Variants in DTL observed in about 807,000 individuals in gnomAD.
The protein encoded by DTL is denticleless protein homolog.
In DTL, 46 loss-of-function variants were observed where a neutral mutation model predicts 87.0. The observed-to-expected ratio is 0.53, with a 90% CI of 0.42 to 0.68. DTL has a LOEUF of 0.68. DTL is among the 30% of genes least tolerant of loss of function. DTL has a pLI of 0.00. For missense variants in DTL, 737 were observed against 869.4 expected, an observed-to-expected ratio of 0.85 and a Z score of 1.91; for synonymous variants, 308 against 311.2, an observed-to-expected ratio of 0.99 and a Z score of 0.11.
chr1:212,053,543 T>C (rs993583808), intron 5 of DTL, among the ~76,000 whole-genome samples: 1 of 152,162 alleles, frequency 6.6e-6, no homozygotes, highest in South Asian at 2.1e-4. Context: ...ATCATCTTTT[T>C]ATTGATTACA....
At chr1:212,037,729 G>C (rs1054859737) in intron 1 of DTL, among the ~76,000 whole-genome samples, 1 of 152,150 alleles carries the variant, frequency 6.6e-6, no homozygotes, top group Non-Finnish European at 1.5e-5. Context: ...TCCAAGTTTT[G>C]GTGTATCAGC....
intron 13 of DTL, among the ~76,000 whole-genome samples, chr1:212,088,819 G>A (rs963818208): frequency 6.6e-6 from 1 of 152,238 alleles, no homozygotes; most frequent in East Asian, 1.9e-4. Context: ...GGGCACGGTG[G>A]CTCACGCCTG....
intron 13 of DTL, among the ~76,000 whole-genome samples, chr1:212,087,326 A>G (rs1655158370): frequency 6.6e-6 from 1 of 152,098 alleles, no homozygotes; most frequent in South Asian, 2.1e-4. Flanking sequence ...GAGTGGGTGG[A>G]TCACGAGGTC....
At chr1:212,080,839 T>C in intron 13 of DTL, 89 bp downstream of exon 13, 2 of 1,401,940 alleles carry the variant, frequency 1.4e-6, no homozygotes, top group Non-Finnish European at 1.9e-6. Context: ...TGATCTTGCT[T>C]TGGTATGTTT....
At chr1:212,063,095 A>G (rs907178129) in intron 6 of DTL, 146 bp downstream of exon 6, 3 of 650,570 alleles carry the variant, frequency 4.6e-6, no homozygotes, top group Non-Finnish European at 8.3e-6. Flanking sequence ...AGATCTCAGG[A>G]TCTTCACTGA....
At chr1:212,056,459 T>A (rs1245090029) in intron 5 of DTL, among the ~76,000 whole-genome samples, 1 of 152,200 alleles carries the variant, frequency 6.6e-6, no homozygotes, top group East Asian at 1.9e-4. Flanking sequence ...AAGTGTCCTC[T>A]CCAACCATCA....
intron 5 of DTL, among the ~76,000 whole-genome samples, chr1:212,053,469 A>C (rs1187699741): frequency 6.6e-6 from 1 of 152,196 alleles, no homozygotes; most frequent in African/African-American, 2.4e-5. Flanking sequence ...CTGGGATTAC[A>C]GGCATGAGCC....
chr1:212,098,405 G>A (rs144749512), intron 13 of DTL, among the ~76,000 whole-genome samples: 208 of 152,274 alleles, frequency 1.4e-3, no homozygotes, highest in African/African-American at 4.7e-3. Context: ...GTAGTATAGC[G>A]GGGGATATAA....
chr1:212,056,036 G>A (rs1668164538), intron 5 of DTL, among the ~76,000 whole-genome samples: 1 of 152,190 alleles, frequency 6.6e-6, no homozygotes, highest in African/African-American at 2.4e-5. Flanking sequence ...GCCAACACTA[G>A]TACGGAACAC....
At chr1:212,086,863 T>A (rs1655145440) in intron 13 of DTL, among the ~76,000 whole-genome samples, 1 of 152,222 alleles carries the variant, frequency 6.6e-6, no homozygotes, top group Non-Finnish European at 1.5e-5. Context: ...TAAAATAAGA[T>A]TCCCAAAGGT....
chr1:212,083,101 T>C (rs1267838038), intron 13 of DTL, among the ~76,000 whole-genome samples: 1 of 152,164 alleles, frequency 6.6e-6, no homozygotes, highest in Non-Finnish European at 1.5e-5. Flanking sequence ...GACTTGGCAA[T>C]TTACAAAAGA....
Position 212,078,065 on chromosome 1 carries a change from C to T in DTL, c.1036-108C>T. 6 of 599,868 alleles carry T rather than the reference C, an allele frequency of 1.0e-5. No homozygotes were observed. The South Asian group carries it at 1.0e-4, about 10-fold the overall frequency. 37.2% of individuals were successfully genotyped at this position (599,868 alleles called of 1,614,324 possible). On this transcript the variant is annotated intron_variant, in intron 11 of 14. Coordinates refer to ENST00000366991, the MANE Select transcript of DTL (RefSeq NM_016448.4). Reference sequence around the variant, plus strand: ...ACTATAGCTAGGCAGGTCTAGTGGCCTTTGGTAACAATCCTAAAGCTCTCT... The same window carrying T: ...ACTATAGCTAGGCAGGTCTAGTGGCTTTTGGTAACAATCCTAAAGCTCTCT...
Position 212,060,060 on chromosome 1 carries a change from T to C in DTL, c.461-2824T>C, listed in dbSNP as rs1027861247. Among the ~76,000 whole-genome samples the C allele has an allele frequency of 2.0e-5, 3 of 151,968 alleles. No individual in the cohort carries two copies. In the East Asian group the frequency reaches 5.8e-4, roughly 29 times the overall value. ...TGGAAAGAGACCTCATGCTCATGGA[T>C]GGGAAAAAATTATTATTTTTAAAAT... On this transcript the variant is annotated intron_variant, in intron 5 of 14. Transcript: ENST00000366991.
chr1:212,080,771 C>A, intron 13 of DTL, 21 bp downstream of exon 13: 1 of 1,610,918 alleles, frequency 6.2e-7, no homozygotes, highest in Non-Finnish European at 8.5e-7. Flanking sequence ...CATATACTTT[C>A]CAAGTTTTTT....
chr1:212,062,866 CTGTT>C lies in DTL; in HGVS notation c.461-16_461-13del, dbSNP rs754245784. On this transcript the variant is annotated splice_polypyrimidine_tract_variant and intron_variant, in intron 5 of 14. Transcript: ENST00000366991. Reference sequence around the variant, plus strand: ...CTGGTTTTGTTAACCTCTTAATAATCTGTTTATTTCCCCACAGCTGTATTCTGTA... The same window carrying C: ...CTGGTTTTGTTAACCTCTTAATAATCTATTTCCCCACAGCTGTATTCTGTA... 5 of 1,607,158 alleles carry C rather than the reference CTGTT, an allele frequency of 3.1e-6. No homozygotes were observed. Among genetic ancestry groups the C allele is most frequent in the Non-Finnish European group, 4.3e-6 (5 of 1,174,152 alleles).
Position 212,100,586 on chromosome 1 carries a change from T to C in DTL, c.1596T>C (p.Ile532=). 6.2e-7 allele frequency: 1 copy of C among 1,613,932 alleles called. No individual in the cohort carries two copies. Among genetic ancestry groups the C allele is most frequent in the Non-Finnish European group, 8.5e-7 (1 of 1,179,978 alleles). The stretch of plus-strand genomic sequence containing the variant: ...TCATGTCTCCGAGAAAAGCCCTTAT[T>C]CCTGTGAGCCAGAAGTCATCCCAAG... ...TKIMSPRKAL[I]PVSQKSSQAE... Residue 532 remains isoleucine (I), a synonymous_variant, in exon 14 of 15, where the codon ATT becomes ATC. Transcript: ENST00000366991.
At chr1:212,060,910 GACTAT>G (rs1654273842) in intron 5 of DTL, among the ~76,000 whole-genome samples, 1 of 152,004 alleles carries the variant, frequency 6.6e-6, no homozygotes, top group African/African-American at 2.4e-5. Flanking sequence ...AGATAAACTA[GACTAT>G]ACTAAACTAA....
intron 13 of DTL, among the ~76,000 whole-genome samples, chr1:212,082,321 A>G (rs183560725): frequency 1.3e-4 from 20 of 152,328 alleles, no homozygotes; most frequent in African/African-American, 4.6e-4. Context: ...GGGGACTACA[A>G]GTATAGACAG....
At chr1:212,056,577 G>C (rs1270359118) in intron 5 of DTL, among the ~76,000 whole-genome samples, 4 of 151,918 alleles carry the variant, frequency 2.6e-5, no homozygotes, top group Non-Finnish European at 5.9e-5. Flanking sequence ...AAAACACAGA[G>C]AAATCAAAAA....
Sources: allele counts gnomAD v4.1 joint callset (sites outside exome capture counted in the v4.1 genomes callset), GRCh38; gene constraint gnomAD v4.1.1; transcripts MANE v1.5; gene names NCBI Gene and HGNC (gene_info 2026-07-23, HGNC 2026-07-21).